The following GRIN2A variants were observed in gnomAD, a reference collection of about 807,000 sequenced individuals.
GRIN2A encodes the protein glutamate receptor ionotropic, NMDA 2A.
In GRIN2A, 22 loss-of-function variants were observed where a neutral mutation model predicts 113.4. The ratio of observed to expected loss-of-function variants is 0.19; its 90% CI spans 0.14 to 0.28. The LOEUF is 0.28. Among genes scored for constraint, GRIN2A ranks in the 10% least tolerant of loss-of-function variants. GRIN2A has a pLI of 1.00. For missense variants in GRIN2A, 1,502 were observed against 1,887.0 expected, an observed-to-expected ratio of 0.80 and a Z score of 3.78; for synonymous variants, 827 against 738.4, an observed-to-expected ratio of 1.12 and a Z score of -1.94.
intron 2 of GRIN2A, among the ~76,000 whole-genome samples, chr16:10,102,993 C>G (rs1240326620): frequency 6.6e-6 from 1 of 152,188 alleles, no homozygotes; most frequent in Non-Finnish European, 1.5e-5. Context: ...TGCTCTGTGC[C>G]ATCCCCTATG....
intron 2 of GRIN2A, among the ~76,000 whole-genome samples, chr16:10,103,741 C>T (rs1349180620): frequency 6.6e-6 from 1 of 152,192 alleles, no homozygotes; most frequent in Non-Finnish European, 1.5e-5. Context: ...TTAGCCAGCT[C>T]ATAGCTCTTC....
chr16:9,997,007 T>A (rs2046235466), intron 2 of GRIN2A, among the ~76,000 whole-genome samples: 1 of 152,198 alleles, frequency 6.6e-6, no homozygotes, highest in Admixed American at 6.5e-5. Context: ...TGCTCTTTCG[T>A]TCCTTTAAGG....
At position 9,996,612 on chromosome 16, in the gene GRIN2A, C is replaced by T. The variant is rs138220258; in HGVS notation, c.415-58061G>A. Among the ~76,000 whole-genome samples the T allele has an allele frequency of 1.7e-3, 263 of 152,330 alleles. 1 individual carries two copies. Among genetic ancestry groups the T allele is most frequent in the African/African-American group, 6.0e-3 (248 of 41,578 alleles). On this transcript the variant is annotated intron_variant, in intron 2 of 12. Transcript: ENST00000330684. The stretch of plus-strand genomic sequence containing the variant: ...AATATTCCAACTTCATTTGTCTACA[C>T]ATAATTTCCCTTGTCAGGATTTATA...
chr16:9,881,873 C>A (rs1046559848), intron 4 of GRIN2A, among the ~76,000 whole-genome samples: 1 of 152,192 alleles, frequency 6.6e-6, no homozygotes, highest in East Asian at 1.9e-4. Flanking sequence ...TCCACATAAT[C>A]GTTCTATCAA....
intron 5 of GRIN2A, among the ~76,000 whole-genome samples, chr16:9,842,371 T>G (rs1459868624): frequency 6.6e-6 from 1 of 152,246 alleles, no homozygotes; most frequent in Non-Finnish European, 1.5e-5. Flanking sequence ...TATGCTTGAT[T>G]AATGGACATC....
intron 4 of GRIN2A, among the ~76,000 whole-genome samples, chr16:9,879,866 C>G (rs1005760360): frequency 6.6e-6 from 1 of 152,290 alleles, no homozygotes; most frequent in Non-Finnish European, 1.5e-5. Context: ...ATGTTGTTCT[C>G]TCATCTCAAG....
intron 2 of GRIN2A, among the ~76,000 whole-genome samples, chr16:10,105,667 T>C (rs2048484732): frequency 6.6e-6 from 1 of 152,162 alleles, no homozygotes; most frequent in Non-Finnish European, 1.5e-5. Context: ...TTAAGGAGGC[T>C]GAGTTGAGGT....
At chr16:10,100,443 C>T (rs748527636) in intron 2 of GRIN2A, among the ~76,000 whole-genome samples, 15 of 152,278 alleles carry the variant, frequency 9.9e-5, no homozygotes, top group Middle Eastern at 3.4e-3. Flanking sequence ...AGATGTATTT[C>T]GACTGATGTT....
Position 9,756,608 on chromosome 16 carries a change from C to G in GRIN2A, c.*6541G>C, listed in dbSNP as rs560646455. 5.0e-6 allele frequency: 1 copy of G among 198,422 alleles called. No individual in the cohort carries two copies. The highest frequency in any genetic ancestry group is 1.0e-5 in the Non-Finnish European group (1 of 95,970). 12.3% of individuals were successfully genotyped at this position (198,422 alleles called of 1,614,324 possible). A position where few individuals can be genotyped will look rare whatever the true frequency, so the allele number is the denominator to read the frequency against. On this transcript the variant is annotated 3_prime_UTR_variant, in exon 13 of 13. Transcript: ENST00000330684. Reference sequence around the variant, plus strand: ...TGACGAGGTTGAGAAAAACCTGAGCCTCAGTTTCCTTATCTGTAAAATGGG... The same window carrying G: ...TGACGAGGTTGAGAAAAACCTGAGCGTCAGTTTCCTTATCTGTAAAATGGG...
chr16:10,103,352 G>A (rs2048436529), intron 2 of GRIN2A, among the ~76,000 whole-genome samples: 1 of 152,114 alleles, frequency 6.6e-6, no homozygotes, highest in South Asian at 2.1e-4. Context: ...GATGCAATTT[G>A]CAGACATTTT....
At chr16:9,960,788 A>T (rs78301380) in intron 2 of GRIN2A, among the ~76,000 whole-genome samples, 1 of 152,060 alleles carries the variant, frequency 6.6e-6, no homozygotes, top group Non-Finnish European at 1.5e-5. Flanking sequence ...CCACACCTGG[A>T]TAATTTTTGT....
At chr16:10,064,261 C>A (rs906469225) in intron 2 of GRIN2A, among the ~76,000 whole-genome samples, 4 of 152,118 alleles carry the variant, frequency 2.6e-5, no homozygotes, top group African/African-American at 9.7e-5. Context: ...CATGCAGGGG[C>A]CCTGCATCAA....
chr16:9,768,168 C>G (rs1901035075), intron 12 of GRIN2A, among the ~76,000 whole-genome samples: 1 of 152,192 alleles, frequency 6.6e-6, no homozygotes, highest in African/African-American at 2.4e-5. Context: ...TCACGCCATT[C>G]TCCTGCCTCA....
In GRIN2A at chr16:9,762,857, C is replaced by A; in HGVS notation, c.*292G>T. The A allele has an allele frequency of 2.0e-6, 1 of 492,228 alleles. No individual in the cohort carries two copies. The highest frequency in any genetic ancestry group is 3.7e-6 in the Non-Finnish European group (1 of 273,832). 30.5% of individuals were successfully genotyped at this position (492,228 alleles called of 1,614,324 possible). On this transcript the variant is annotated 3_prime_UTR_variant, in exon 13 of 13. Coordinates refer to ENST00000330684, the MANE Select transcript of GRIN2A (RefSeq NM_001134407.3). ...ATTGGCATCCAATGCATCATTATTG[C>A]CAACATACCCAGTAGGCATGTCCCG... is the stretch of plus-strand genomic sequence containing the variant.
chr16:9,984,161 T>C (rs1347283050), intron 2 of GRIN2A, among the ~76,000 whole-genome samples: 1 of 152,226 alleles, frequency 6.6e-6, no homozygotes, highest in Non-Finnish European at 1.5e-5. Context: ...AGTATTTTTT[T>C]CATAAACTTG....
intron 4 of GRIN2A, among the ~76,000 whole-genome samples, chr16:9,855,282 C>G (rs185645291): frequency 7.9e-5 from 12 of 152,318 alleles, no homozygotes; most frequent in Admixed American, 7.2e-4. Context: ...AAAAACAACA[C>G]TTCCATTTCA....
At chr16:9,766,573 T>C (rs188980197) in intron 12 of GRIN2A, among the ~76,000 whole-genome samples, 1 of 152,160 alleles carries the variant, frequency 6.6e-6, no homozygotes, top group African/African-American at 2.4e-5. Flanking sequence ...ATATATAATG[T>C]GTGGTTGGCT....
intron 2 of GRIN2A, among the ~76,000 whole-genome samples, chr16:10,152,704 T>C (rs566438549): frequency 6.6e-6 from 1 of 152,246 alleles, no homozygotes; most frequent in Admixed American, 6.5e-5. Context: ...ACTCTCCCCA[T>C]AGCCATACCC....
At chr16:9,838,698 A>G (rs2042622827) in intron 7 of GRIN2A, among the ~76,000 whole-genome samples, 2 of 152,188 alleles carry the variant, frequency 1.3e-5, no homozygotes. Flanking sequence ...ATTAATTTAC[A>G]TTCCACAGTG....
Sources: gnomAD v4.1 joint callset for allele counts (sites outside exome capture counted in the v4.1 genomes callset) on GRCh38, gnomAD v4.1.1 for gene constraint, MANE v1.5 for transcripts, NCBI Gene and HGNC (gene_info 2026-07-23, HGNC 2026-07-21) for gene names.